Variants in RARB observed in about 807,000 individuals in gnomAD.
RARB encodes retinoic acid receptor beta, also known as HBV-activated protein.
RARB carries 17 observed loss-of-function variants against 51.9 expected under a neutral mutation model. The observed-to-expected ratio is 0.33, with a 90% CI of 0.22 to 0.49. The LOEUF is 0.49. Among genes scored for constraint, RARB ranks in the 20% least tolerant of loss-of-function variants. RARB has a pLI of 0.99. For missense variants in RARB, 369 were observed against 550.8 expected, an observed-to-expected ratio of 0.67 and a Z score of 3.30; for synonymous variants, 215 against 195.4, an observed-to-expected ratio of 1.10 and a Z score of -0.84.
At chr3:25,542,134 C>T (rs906100279) in intron 3 of RARB, among the ~76,000 whole-genome samples, 3 of 152,196 alleles carry the variant, frequency 2.0e-5, no homozygotes, top group Non-Finnish European at 2.9e-5. Flanking sequence ...ATGCTATCAG[C>T]TAATGCTGAT....
intron 5 of RARB, among the ~76,000 whole-genome samples, chr3:25,584,738 T>G (rs1341150107): frequency 1.3e-5 from 2 of 152,178 alleles, no homozygotes; most frequent in Admixed American, 6.5e-5. Context: ...TACCACGGTC[T>G]GACTTTTGGT....
intron 3 of RARB, among the ~76,000 whole-genome samples, chr3:25,129,612 A>C (rs573035293): frequency 2.0e-5 from 3 of 152,246 alleles, no homozygotes; most frequent in East Asian, 3.9e-4. Flanking sequence ...ATAAAATATC[A>C]GAGTATGACT....
intron 2 of RARB, among the ~76,000 whole-genome samples, chr3:24,882,132 T>G (rs577416151): frequency 6.6e-6 from 1 of 152,242 alleles, no homozygotes; most frequent in East Asian, 1.9e-4. Context: ...AGGCAAGACT[T>G]AGGAGATTTA....
chr3:24,856,595 A>T (rs1575037873), intron 1 of RARB, among the ~76,000 whole-genome samples: 1 of 152,106 alleles, frequency 6.6e-6, no homozygotes, highest in African/African-American at 2.4e-5. Flanking sequence ...TGTAGCTTCT[A>T]CCCTCCTAAA....
chr3:24,978,080 C>T (rs1427377260), intron 2 of RARB, among the ~76,000 whole-genome samples: 2 of 152,244 alleles, frequency 1.3e-5, no homozygotes, highest in East Asian at 1.9e-4. Context: ...TTGAACCTGC[C>T]TTGCATCCCA....
intron 4 of RARB, among the ~76,000 whole-genome samples, chr3:25,134,118 A>T (rs1050012873): frequency 3.3e-5 from 5 of 151,964 alleles, no homozygotes; most frequent in Admixed American, 6.6e-5. Flanking sequence ...TTGTTAACCG[A>T]ATCTCTTTGG....
chr3:25,090,290 A>G (rs1030678039), intron 3 of RARB, among the ~76,000 whole-genome samples: 6 of 152,108 alleles, frequency 3.9e-5, no homozygotes, highest in Admixed American at 1.3e-4. Context: ...TTGAGGAAAC[A>G]TTTTAATATT....
chr3:25,594,641 A>G lies in RARB; in HGVS notation c.1113A>G (p.Leu371=), dbSNP rs749120899. ...PSKPHMFPKI[L]MKITDLRSIS... The stretch of plus-strand genomic sequence containing the variant: ...AGCCTCACATGTTTCCAAAGATCTT[A>G]ATGAAAATCACAGATCTCCGTAGCA... Residue 371 remains leucine, a synonymous_variant, in exon 7 of 8, where the codon TTA becomes TTG. Coordinates refer to ENST00000330688, the MANE Select transcript of RARB (RefSeq NM_000965.5). 2.5e-6 allele frequency: 4 copies of G among 1,613,370 alleles called. No individual in the cohort carries two copies. Among genetic ancestry groups the G allele is most frequent in the Non-Finnish European group, 3.4e-6 (4 of 1,179,732 alleles).
intron 3 of RARB, among the ~76,000 whole-genome samples, chr3:25,518,750 A>G (rs967854801): frequency 6.6e-6 from 1 of 152,194 alleles, no homozygotes; most frequent in Non-Finnish European, 1.5e-5. Context: ...GCCCTTTTAA[A>G]GTAGAAATCA....
intron 2 of RARB, among the ~76,000 whole-genome samples, chr3:24,912,263 A>G (rs779802352): frequency 1.3e-5 from 2 of 152,140 alleles, no homozygotes; most frequent in Non-Finnish European, 2.9e-5. Flanking sequence ...TACTTCTTCC[A>G]TGTTTTATCT....
chr3:24,995,709 A>G (rs192898035), intron 2 of RARB, among the ~76,000 whole-genome samples: 1 of 152,184 alleles, frequency 6.6e-6, no homozygotes, highest in Non-Finnish European at 1.5e-5. Flanking sequence ...CTTTTTCTAC[A>G]TCTATTGAGA....
chr3:25,313,189 T>A (rs1559353717), intron 5 of RARB, among the ~76,000 whole-genome samples: 2 of 152,184 alleles, frequency 1.3e-5, no homozygotes, highest in Admixed American at 6.5e-5. Flanking sequence ...TCCCCTCTTA[T>A]GGGAATAGGA....
chr3:25,027,295 G>A (rs1697768933), intron 2 of RARB, among the ~76,000 whole-genome samples: 1 of 152,150 alleles, frequency 6.6e-6, no homozygotes, highest in Non-Finnish European at 1.5e-5. Flanking sequence ...AGGCATAGTA[G>A]GAAGAGTGAG....
intron 5 of RARB, among the ~76,000 whole-genome samples, chr3:25,377,992 A>G (rs1378273512): frequency 6.6e-6 from 1 of 152,220 alleles, no homozygotes; most frequent in Non-Finnish European, 1.5e-5. Context: ...TTAGGCACTT[A>G]GTAGACACAG....
At chr3:25,554,923 C>T (rs905006621) in intron 3 of RARB, among the ~76,000 whole-genome samples, 2 of 152,080 alleles carry the variant, frequency 1.3e-5, no homozygotes, top group African/African-American at 4.8e-5. Context: ...GCCATCAGTT[C>T]CTCTCATGAC....
intron 3 of RARB, among the ~76,000 whole-genome samples, chr3:25,061,730 G>T (rs2125304157): frequency 6.6e-6 from 1 of 151,828 alleles, no homozygotes; most frequent in South Asian, 2.1e-4. Flanking sequence ...TGGAGAGAAA[G>T]GTGTTTTATA....
chr3:24,832,652 A>ATATATATATATAT (rs1491520085), intron 1 of RARB, among the ~76,000 whole-genome samples: 1 of 61,068 alleles, frequency 1.6e-5, no homozygotes, highest in African/African-American at 9.5e-5. Context: ...TATATATATA[A>ATATATATATATAT]TGTCAATTAA....
intron 5 of RARB, among the ~76,000 whole-genome samples, chr3:25,210,071 A>T (rs991493211): frequency 1.3e-5 from 2 of 152,136 alleles, no homozygotes; most frequent in Admixed American, 1.3e-4. Context: ...AGCTGGTTCT[A>T]TTTTCTGGAG....
chr3:25,164,123 C>T (rs922038516), intron 4 of RARB, among the ~76,000 whole-genome samples: 10 of 152,258 alleles, frequency 6.6e-5, no homozygotes, highest in African/African-American at 1.9e-4. Context: ...CATGAGGATA[C>T]AGTCTGGCCA....
Sources: allele counts gnomAD v4.1 joint callset (sites outside exome capture counted in the v4.1 genomes callset), GRCh38; gene constraint gnomAD v4.1.1; transcripts MANE v1.5; gene names NCBI Gene and HGNC (gene_info 2026-07-23, HGNC 2026-07-21).